The following TEX51 variants were observed in gnomAD, a reference collection of about 807,000 sequenced individuals.
TEX51 encodes the protein testis expressed 51.
In TEX51, 14 loss-of-function variants were observed where a neutral mutation model predicts 8.0. The ratio of observed to expected loss-of-function variants is 1.76; its 90% CI spans 1.16 to 2.75. The LOEUF (loss-of-function observed/expected upper bound fraction) is 2.75. Among genes scored for constraint, TEX51 ranks in the 30% most tolerant of loss-of-function variants. The pLI is 0.00. For missense variants in TEX51, 142 were observed against 77.4 expected, an observed-to-expected ratio of 1.83 and a Z score of -3.13; for synonymous variants, 58 against 28.6, an observed-to-expected ratio of 2.03 and a Z score of -3.29.
chr2:126,901,967 C>A lies in TEX51; in HGVS notation c.*98C>A, dbSNP rs1374606465. 1 of 647,120 alleles carries A rather than the reference C, an allele frequency of 1.5e-6. No homozygotes were observed. Among genetic ancestry groups the A allele is most frequent in the Non-Finnish European group, 2.8e-6 (1 of 357,726 alleles). The allele number at this position is 647,120 out of a possible 1,614,324, so 40.1% of individuals were successfully genotyped here. ...ATCTCTGGGTCCCGGTGACCCCATC[C>A]CCCCATACCCTCCATCCTGGGTCCT... is the stretch of plus-strand genomic sequence containing the variant. On this transcript the variant is annotated 3_prime_UTR_variant, in exon 7 of 7. Transcript: ENST00000568484.
rs960128808 is a variant in TEX51 at position 126,901,362 on chromosome 2, C to A, written c.464-3C>A. ...ACTGACTCCACCCTGTTTCTTGGCC[C>A]AGATGTTTCTTTTACTGGCAAAGGA... is the stretch of plus-strand genomic sequence containing the variant. On this transcript the variant is annotated splice_region_variant and splice_polypyrimidine_tract_variant and intron_variant, in intron 5 of 6. Transcript: ENST00000568484. The A allele has an allele frequency of 5.7e-6, 4 of 702,188 alleles. No homozygotes were observed. The African/African-American group carries it at 7.0e-5, about 12-fold the overall frequency. 43.5% of individuals were successfully genotyped at this position (702,188 alleles called of 1,614,324 possible). A position where few individuals can be genotyped will look rare whatever the true frequency, so the allele number is the denominator to read the frequency against.
At chr2:126,900,075 C>T in intron 4 of TEX51, 56 bp downstream of exon 4, 2 of 698,464 alleles carry the variant, frequency 2.9e-6, no homozygotes, top group South Asian at 3.0e-5. Context: ...ATTTCTGGAG[C>T]CATTGCTGTC....
At chr2:126,901,530 T>C (rs1680330099) in intron 6 of TEX51, 126 bp downstream of exon 6, 2 of 636,822 alleles carry the variant, frequency 3.1e-6, no homozygotes, top group Admixed American at 5.0e-5. Flanking sequence ...CAGAACAGAG[T>C]GGGATCGAGG....
intron 1 of TEX51, 50 bp downstream of exon 1, chr2:126,899,113 C>T (rs1231713903): frequency 2.9e-6 from 2 of 701,158 alleles, no homozygotes; most frequent in South Asian, 3.0e-5. Flanking sequence ...AACCCTGGTA[C>T]CTTGGTGAGG....
Position 126,899,287 on chromosome 2 carries a change from A to G in TEX51, c.216A>G (p.Arg72=). 1 of 702,114 alleles carries G rather than the reference A, an allele frequency of 1.4e-6. No homozygotes were observed. Among genetic ancestry groups the G allele is most frequent in the Non-Finnish European group, 2.6e-6 (1 of 384,802 alleles). The allele number at this position is 702,114 out of a possible 1,614,324, so 43.5% of individuals were successfully genotyped here. A position where few individuals can be genotyped will look rare whatever the true frequency, so the allele number is the denominator to read the frequency against. The change falls in exon 2 of 7, where the codon CGA becomes CGG. Residue 72 remains arginine, a synonymous_variant. Coordinates refer to ENST00000568484, the MANE Select transcript of TEX51 (RefSeq NM_001322244.2). ...TACACCAAGCCATTAAAACGTTACG[A>G]GATGGTGAGGAAGCCAAGAGCCCCA... The part of the protein sequence containing the change: ...TQVHQAIKTL[R]DDKTVLLEEI...
intron 4 of TEX51, among the ~76,000 whole-genome samples, chr2:126,900,790 G>A (rs909557754): frequency 2.0e-5 from 3 of 152,122 alleles, no homozygotes; most frequent in African/African-American, 4.8e-5. Context: ...CACCCTCCTC[G>A]GGAGCCCCCT....
At chr2:126,900,078 T>C in intron 4 of TEX51, 59 bp downstream of exon 4, 1 of 698,394 alleles carries the variant, frequency 1.4e-6, no homozygotes, top group South Asian at 1.5e-5. Flanking sequence ...TCTGGAGCCA[T>C]TGCTGTCTCT....
In TEX51 at chr2:126,898,895, G is replaced by C. The variant is rs984229206; in HGVS notation, c.-24G>C. ...GTGGAACTTCCAGGCAGGGCACTGG[G>C]GCACAGTAGGAGGAACCCAGAAGAT... On this transcript the variant is annotated 5_prime_UTR_variant, in exon 1 of 7. Transcript: ENST00000568484. The C allele has an allele frequency of 5.1e-5, 35 of 691,900 alleles. No individual in the cohort carries two copies. The African/African-American group carries it at 6.0e-4, about 12-fold the overall frequency. The allele number at this position is 691,900 out of a possible 1,614,324, so 42.9% of individuals were successfully genotyped here.
At chr2:126,899,878 T>TG (rs1298352451) in intron 3 of TEX51, 58 bp from the exon 4 acceptor site, 2 of 702,192 alleles carry the variant, frequency 2.8e-6, no homozygotes, top group Non-Finnish European at 5.2e-6. Context: ...GGACTGGGCC[T>TG]GGGGGAGGGA....
intron 6 of TEX51, among the ~76,000 whole-genome samples, 185 bp from the exon 7 acceptor site, chr2:126,901,687 A>G (rs1164924023): frequency 1.3e-5 from 2 of 152,024 alleles, no homozygotes; most frequent in Non-Finnish European, 1.5e-5. Flanking sequence ...TGTCCCCTGC[A>G]CACCCCACCT....
rs1445206273 is a variant in TEX51 at position 126,899,129 on chromosome 2, C to T, written c.145+66C>T. Reference sequence around the variant, plus strand: ...ACCCTGGTACCTTGGTGAGGCACAGCCAGGAGATCAGGGATTGGATGTGGC... The same window carrying T: ...ACCCTGGTACCTTGGTGAGGCACAGTCAGGAGATCAGGGATTGGATGTGGC... On this transcript the variant is annotated intron_variant, in intron 1 of 6. Transcript: ENST00000568484. The T allele has an allele frequency of 4.3e-6, 3 of 701,168 alleles. No individual in the cohort carries two copies. In the Admixed American group the frequency reaches 6.0e-5, roughly 14 times the overall value. 43.4% of individuals were successfully genotyped at this position (701,168 alleles called of 1,614,324 possible). A position where few individuals can be genotyped will look rare whatever the true frequency, so the allele number is the denominator to read the frequency against.
intron 5 of TEX51, 40 bp downstream of exon 5, chr2:126,901,318 A>G (rs181898552): frequency 1.4e-6 from 1 of 701,902 alleles, no homozygotes; most frequent in African/African-American, 1.7e-5. Context: ...ATCCCCAGGG[A>G]AGACACACCT....
At chr2:126,899,327 G>T (rs1042074211) in intron 2 of TEX51, 36 bp downstream of exon 2, 20 of 701,944 alleles carry the variant, frequency 2.8e-5, no homozygotes, top group Non-Finnish European at 4.7e-5. Flanking sequence ...CTTGGGGCTT[G>T]GGTTGACAAA....
In TEX51 at chr2:126,901,986, G is replaced by A; in HGVS notation, c.*117G>A. On this transcript the variant is annotated 3_prime_UTR_variant, in exon 7 of 7. Transcript: ENST00000568484. ...CCCATCCCCCCATACCCTCCATCCT[G>A]GGTCCTGGGGCCCCAAAGCTCTGAG... The A allele has an allele frequency of 1.7e-6, 1 of 593,918 alleles. No individual in the cohort carries two copies. Among genetic ancestry groups the A allele is most frequent in the South Asian group, 2.0e-5 (1 of 50,780 alleles). The allele number at this position is 593,918 out of a possible 1,614,324, so 36.8% of individuals were successfully genotyped here.
intron 3 of TEX51, 79 bp from the exon 4 acceptor site, chr2:126,899,857 A>G (rs1297776534): frequency 1.1e-5 from 8 of 701,970 alleles, no homozygotes; most frequent in Non-Finnish European, 1.8e-5. Context: ...TCCTGTGGTG[A>G]GTATGCATGG....
chr2:126,899,310 C>T lies in TEX51; in HGVS notation c.220+19C>T. The T allele has an allele frequency of 1.4e-6, 1 of 702,222 alleles. No individual in the cohort carries two copies. The allele number at this position is 702,222 out of a possible 1,614,324, so 43.5% of individuals were successfully genotyped here. ...CGAGATGGTGAGGAAGCCAAGAGCC[C>T]CAGGGCCTTGGGGCTTGGGTTGACA... On this transcript the variant is annotated intron_variant, in intron 2 of 6. Transcript: ENST00000568484.
chr2:126,900,499 C>T (rs1239295702), intron 4 of TEX51, among the ~76,000 whole-genome samples: 2 of 152,086 alleles, frequency 1.3e-5, no homozygotes, highest in Non-Finnish European at 2.9e-5. Context: ...CAAATGGCCC[C>T]ACTCAAGCCC....
At chr2:126,900,049 C>T in intron 4 of TEX51, 30 bp downstream of exon 4, 2 of 700,250 alleles carry the variant, frequency 2.9e-6, no homozygotes, top group Non-Finnish European at 5.2e-6. Flanking sequence ...TCCAGCCTCT[C>T]CCCTCCCTGC....
At position 126,901,217 on chromosome 2, in the gene TEX51, C is replaced by A. The variant is rs1351437582; in HGVS notation, c.402C>A (p.Asn134Lys). The A allele has an allele frequency of 7.6e-6, 5 of 657,798 alleles. No individual in the cohort carries two copies. Among genetic ancestry groups the A allele is most frequent in the East Asian group, 5.5e-5 (2 of 36,632 alleles). 40.7% of individuals were successfully genotyped at this position (657,798 alleles called of 1,614,324 possible). The change falls in exon 5 of 7, where the codon AAC becomes AAA. Residue 134 changes from asparagine (N) to lysine (K), a missense_variant. Physicochemically the swap from Asn to Lys is moderately conservative, Grantham distance 94. Coordinates refer to ENST00000568484, the MANE Select transcript of TEX51 (RefSeq NM_001322244.2). The stretch of plus-strand genomic sequence containing the variant: ...TCCTCTTTCACACCCCAGCCAGGAA[C>A]CGGCGGACCTCCCTGTGGGCTGTGA... ...CNDPTFCPAR[N>K]RRTSLWAVSL...
Sources: gnomAD v4.1 joint callset for allele counts (sites outside exome capture counted in the v4.1 genomes callset) on GRCh38, gnomAD v4.1.1 for gene constraint, MANE v1.5 for transcripts, NCBI Gene and HGNC (gene_info 2026-07-23, HGNC 2026-07-21) for gene names.